HECW2: variants seen among roughly 807,000 people sequenced by gnomAD.
The protein encoded by HECW2 is E3 ubiquitin-protein ligase HECW2.
Under a neutral mutation model 175.2 loss-of-function variants are expected in HECW2, and 61 were observed. That is an observed-to-expected ratio of 0.35 (90% CI 0.28 to 0.43). HECW2 has a LOEUF of 0.43. Among genes scored for constraint, HECW2 ranks in the 20% least tolerant of loss-of-function variants. HECW2 has a pLI of 1.00. For missense variants in HECW2, 1,524 were observed against 2,000.5 expected, an observed-to-expected ratio of 0.76 and a Z score of 4.54; for synonymous variants, 671 against 731.0, an observed-to-expected ratio of 0.92 and a Z score of 1.32.
At chr2:196,471,861 C>T (rs572935526) in intron 1 of HECW2, among the ~76,000 whole-genome samples, 17 of 151,844 alleles carry the variant, frequency 1.1e-4, no homozygotes, top group Admixed American at 5.3e-4. Flanking sequence ...AAACAACTAC[C>T]GGGTACTAAG....
At chr2:196,320,512 C>T (rs1347015789) in intron 7 of HECW2, 73 bp from the exon 8 acceptor site, 1 of 830,950 alleles carries the variant, frequency 1.2e-6, no homozygotes, top group Non-Finnish European at 2.0e-6. Flanking sequence ...CACAGGCCAC[C>T]CACCAAATCC....
At chr2:196,247,620 T>C (rs1045501554) in intron 19 of HECW2, among the ~76,000 whole-genome samples, 1 of 152,246 alleles carries the variant, frequency 6.6e-6, no homozygotes, top group African/African-American at 2.4e-5. Context: ...GCTTTGTCAT[T>C]GCTAGGCAGG....
chr2:196,338,439 C>T (rs180876123), intron 3 of HECW2, among the ~76,000 whole-genome samples: 33 of 152,298 alleles, frequency 2.2e-4, no homozygotes, highest in African/African-American at 5.8e-4. Context: ...TATACTCTTT[C>T]GTATATTACC....
chr2:196,220,664 C>T (rs1687632835), intron 25 of HECW2, 131 bp downstream of exon 25: 3 of 968,236 alleles, frequency 3.1e-6, no homozygotes, highest in Middle Eastern at 2.2e-4. Flanking sequence ...GGAAAAAATA[C>T]TGAACTTTTC....
intron 2 of HECW2, among the ~76,000 whole-genome samples, chr2:196,399,756 C>T (rs145610843): frequency 1.7e-3 from 257 of 152,258 alleles, no homozygotes; most frequent in African/African-American, 5.4e-3. Flanking sequence ...CAGATAGAAC[C>T]GTAGGCCTAA....
chr2:196,387,041 T>G (rs1447412703), intron 2 of HECW2, among the ~76,000 whole-genome samples: 2 of 152,170 alleles, frequency 1.3e-5, no homozygotes, highest in African/African-American at 4.8e-5. Flanking sequence ...ATTTTTCTCA[T>G]TTTTCTCTAT....
chr2:196,448,903 C>T (rs926811682), intron 1 of HECW2, among the ~76,000 whole-genome samples: 1 of 152,112 alleles, frequency 6.6e-6, no homozygotes, highest in African/African-American at 2.4e-5. Flanking sequence ...TTTTGCCCTT[C>T]CTCTCTCACT....
At position 196,317,402 on chromosome 2, in the gene HECW2, G is replaced by A. The variant is rs1165558816; in HGVS notation, c.2339-33C>T. 4 of 1,480,142 alleles carry A rather than the reference G, an allele frequency of 2.7e-6. No homozygotes were observed. The Admixed American group carries it at 5.4e-5, about 20-fold the overall frequency. The allele number at this position is 1,480,142 out of a possible 1,614,324, so 91.7% of individuals were successfully genotyped here. ...TAAAGGTAGAAAGTTACCAGGTATT[G>A]TTTTCTCTTTCAGTATCAAAACAGA... On this transcript the variant is annotated intron_variant, in intron 9 of 28. Transcript: ENST00000644978.
chr2:196,215,884 T>G lies in HECW2; in HGVS notation c.4588A>C (p.Lys1530Gln). ...PRRFCVEKWG[K>Q]ITALPRAHTC... ...TTTTACCTGGGAAGAGCAGTGATTT[T>G]CCCCCATTTCTCCACACAGAATCTT... The change falls in exon 28 of 29, where the codon AAA becomes CAA. Residue 1530 changes from lysine to glutamine, a missense_variant. Coordinates refer to ENST00000644978, the MANE Select transcript of HECW2 (RefSeq NM_001348768.2). 1 of 1,611,792 alleles carries G rather than the reference T, an allele frequency of 6.2e-7. No homozygotes were observed. Among genetic ancestry groups the G allele is most frequent in the Non-Finnish European group, 8.5e-7 (1 of 1,177,920 alleles).
At chr2:196,330,770 T>C (rs1364189113) in intron 4 of HECW2, among the ~76,000 whole-genome samples, 2 of 151,952 alleles carry the variant, frequency 1.3e-5, no homozygotes, top group African/African-American at 4.9e-5. Flanking sequence ...AATTTCCATC[T>C]GCCAATCCCT....
At chr2:196,526,831 C>T (rs1401478404) in intron 1 of HECW2, among the ~76,000 whole-genome samples, 5 of 152,196 alleles carry the variant, frequency 3.3e-5, no homozygotes, top group African/African-American at 1.2e-4. Flanking sequence ...GGCAGTCTGC[C>T]AGTTCTCAGA....
chr2:196,288,258 T>C (rs1441304137), intron 14 of HECW2: 1 of 152,194 alleles, frequency 6.6e-6, no homozygotes, highest in Non-Finnish European at 1.5e-5. Context: ...AGTTTCATGA[T>C]CATGGCTGAC....
At chr2:196,532,800 A>G (rs1223434133) in intron 1 of HECW2, among the ~76,000 whole-genome samples, 1 of 150,120 alleles carries the variant, frequency 6.7e-6, no homozygotes, top group Non-Finnish European at 1.5e-5. Context: ...TACTTATAGT[A>G]ACACTAGTAA....
At chr2:196,364,794 A>C (rs1693699345) in intron 2 of HECW2, among the ~76,000 whole-genome samples, 1 of 152,232 alleles carries the variant, frequency 6.6e-6, no homozygotes. Flanking sequence ...CATGCTACAA[A>C]GGAAAAAGAA....
intron 2 of HECW2, among the ~76,000 whole-genome samples, chr2:196,426,348 A>T (rs935117552): frequency 6.6e-6 from 1 of 152,214 alleles, no homozygotes; most frequent in South Asian, 2.1e-4. Context: ...GGCTGTACTA[A>T]TTTACATTCC....
At chr2:196,509,714 A>G (rs2125414068) in intron 1 of HECW2, among the ~76,000 whole-genome samples, 1 of 152,354 alleles carries the variant, frequency 6.6e-6, no homozygotes, top group Non-Finnish European at 1.5e-5. Flanking sequence ...ACAACTCAAA[A>G]GATAGTACCA....
chr2:196,554,850 G>A (rs1689739985), intron 1 of HECW2, among the ~76,000 whole-genome samples: 1 of 152,124 alleles, frequency 6.6e-6, no homozygotes, highest in African/African-American at 2.4e-5. Flanking sequence ...AAATACTTAT[G>A]TTTTCACATC....
chr2:196,361,959 A>G, intron 2 of HECW2: 2 of 985,408 alleles, frequency 2.0e-6, no homozygotes, highest in Non-Finnish European at 2.4e-6. Context: ...GCTGAACTGA[A>G]GTCAAGGCGG....
At chr2:196,318,510 G>A in intron 9 of HECW2, 42 bp downstream of exon 9, 2 of 1,446,250 alleles carry the variant, frequency 1.4e-6, no homozygotes, top group South Asian at 1.7e-5. Flanking sequence ...TCTCTGCACA[G>A]CTACGCTCGA....
Sources: allele counts gnomAD v4.1 joint callset (sites outside exome capture counted in the v4.1 genomes callset), GRCh38; gene constraint gnomAD v4.1.1; transcripts MANE v1.5; gene names NCBI Gene and HGNC (gene_info 2026-07-23, HGNC 2026-07-21).